Variants in UQCC6 observed in about 807,000 individuals in gnomAD.
The protein encoded by UQCC6 is ubiquinol-cytochrome c reductase complex assembly factor 6.
chr12:103,955,169 T>C, the UQCC6 span, among the ~76,000 whole-genome samples: 1 of 151,870 alleles, frequency 6.6e-6, no homozygotes, highest in Admixed American at 6.6e-5. Context: ...TAGAAAAACT[T>C]AGCCACGCAT....
the UQCC6 span, among the ~76,000 whole-genome samples, chr12:103,963,411 C>G: frequency 7.2e-5 from 11 of 152,160 alleles, no homozygotes; most frequent in African/African-American, 2.7e-4. Flanking sequence ...TATAATAATT[C>G]TTAAGTCAGG....
chr12:103,959,578 G>T, the UQCC6 span, among the ~76,000 whole-genome samples: 2 of 151,640 alleles, frequency 1.3e-5, no homozygotes, highest in Non-Finnish European at 2.9e-5. Context: ...CAGGTGTGGT[G>T]GTGTGCGCCT....
chr12:103,962,774 C>T, the UQCC6 span, among the ~76,000 whole-genome samples: 4 of 152,208 alleles, frequency 2.6e-5, no homozygotes. Context: ...AGCACACTGC[C>T]TATGGGGCAG....
At chr12:103,952,214 A>G in the UQCC6 span, among the ~76,000 whole-genome samples, 2 of 152,278 alleles carry the variant, frequency 1.3e-5, no homozygotes, top group Admixed American at 1.3e-4. Flanking sequence ...CCACATAGCC[A>G]TAGATAACTA....
chr12:103,953,688 T>A, the UQCC6 span: 1 of 657,834 alleles, frequency 1.5e-6, no homozygotes, highest in Non-Finnish European at 2.8e-6. Flanking sequence ...GATACCCCAT[T>A]GCCAATGTCA....
the UQCC6 span, among the ~76,000 whole-genome samples, chr12:103,965,001 A>C: frequency 6.6e-6 from 1 of 152,244 alleles, no homozygotes. Flanking sequence ...GTGAGAAATA[A>C]ACTTCTGTGG....
the UQCC6 span, among the ~76,000 whole-genome samples, chr12:103,960,954 A>T: frequency 0.024 from 3,687 of 151,458 alleles, 63 homozygotes; most frequent in South Asian, 0.063. Flanking sequence ...TTCTTTTTTA[A>T]AAAAAAAAGG....
the UQCC6 span, chr12:103,956,800 C>A: frequency 1.7e-6 from 2 of 1,205,520 alleles, no homozygotes; most frequent in East Asian, 2.6e-5. Context: ...ACGACTACAC[C>A]GCGCCAGGGC....
chr12:103,962,442 TG>T, the UQCC6 span, among the ~76,000 whole-genome samples: 1 of 152,242 alleles, frequency 6.6e-6, no homozygotes, highest in Admixed American at 6.5e-5. Flanking sequence ...TGATCCATTT[TG>T]TTTTTTTATA....
At chr12:103,954,814 A>T in the UQCC6 span, 1 of 631,410 alleles carries the variant, frequency 1.6e-6, no homozygotes, top group Non-Finnish European at 2.9e-6. Flanking sequence ...CTTGAACTCA[A>T]TTTGAATGTT....
chr12:103,955,839 T>C, the UQCC6 span: 2 of 452,970 alleles, frequency 4.4e-6, no homozygotes, highest in Non-Finnish European at 8.9e-6. Context: ...TCCCCAAGAC[T>C]CTAATTCCTG....
chr12:103,961,353 AAAG>A, the UQCC6 span, among the ~76,000 whole-genome samples: 1 of 152,206 alleles, frequency 6.6e-6, no homozygotes, highest in Admixed American at 6.5e-5. Flanking sequence ...ATTATTGAAC[AAAG>A]AAAATTACTT....
chr12:103,954,842 T>A, the UQCC6 span: 1 of 665,850 alleles, frequency 1.5e-6, no homozygotes, highest in Non-Finnish European at 2.7e-6. Context: ...AGTATTGGAT[T>A]ATTTTATGAA....
chr12:103,963,537 T>G, the UQCC6 span, among the ~76,000 whole-genome samples: 1 of 152,250 alleles, frequency 6.6e-6, no homozygotes, highest in African/African-American at 2.4e-5. Flanking sequence ...GTTAGCATTA[T>G]ATTGAATCTT....
the UQCC6 span, among the ~76,000 whole-genome samples, chr12:103,962,457 T>C: frequency 3.9e-5 from 6 of 152,172 alleles, no homozygotes; most frequent in African/African-American, 1.4e-4. Flanking sequence ...TTTTATATGG[T>C]GTGAGGCAGG....
At chr12:103,953,328 AG>A in the UQCC6 span, 1 of 700,634 alleles carries the variant, frequency 1.4e-6, no homozygotes, top group Non-Finnish European at 2.6e-6. Flanking sequence ...AGAGGAATTA[AG>A]GATGACTCCT....
the UQCC6 span, among the ~76,000 whole-genome samples, chr12:103,961,325 G>GA: frequency 6.6e-6 from 1 of 152,160 alleles, no homozygotes; most frequent in African/African-American, 2.4e-5. Flanking sequence ...TAAAGTTACA[G>GA]AAAGCTAAGG....
the UQCC6 span, among the ~76,000 whole-genome samples, chr12:103,962,105 T>C: frequency 2.0e-5 from 3 of 152,202 alleles, no homozygotes; most frequent in African/African-American, 7.2e-5. Flanking sequence ...CAAATGACCA[T>C]ATTTTCTTGT....
chr12:103,957,741 A>T, the UQCC6 span, among the ~76,000 whole-genome samples: 21 of 151,838 alleles, frequency 1.4e-4, no homozygotes, highest in Non-Finnish European at 2.9e-4. Flanking sequence ...TTTTTTAAGT[A>T]AAAGGTTAGT....
Sources: allele counts gnomAD v4.1 joint callset (sites outside exome capture counted in the v4.1 genomes callset), GRCh38; gene constraint gnomAD v4.1.1; transcripts MANE v1.5; gene names NCBI Gene and HGNC (gene_info 2026-07-23, HGNC 2026-07-21).